The following SULT1B1 variants were observed in gnomAD, a reference collection of about 807,000 sequenced individuals.
SULT1B1 encodes the protein sulfotransferase family 1B member 1, also known as sulfotransferase 1B1.
A neutral mutation model predicts 34.6 loss-of-function variants in SULT1B1; 28 were observed. The ratio of observed to expected loss-of-function variants is 0.81; its 90% CI spans 0.60 to 1.11. The LOEUF (loss-of-function observed/expected upper bound fraction) is 1.11. Among genes scored for constraint, SULT1B1 ranks in the 50% least tolerant of loss-of-function variants. SULT1B1 has a pLI of 0.00. For missense variants in SULT1B1, 374 were observed against 352.2 expected (o/e 1.06, Z -0.50); for synonymous variants, 147 against 110.2 (o/e 1.33, Z -2.09).
At chr4:69,752,677 A>C (rs1719022987) in intron 3 of SULT1B1, among the ~76,000 whole-genome samples, 1 of 152,250 alleles carries the variant, frequency 6.6e-6, no homozygotes, top group Non-Finnish European at 1.5e-5. Flanking sequence ...ATGACATAGA[A>C]GGACTGACAT....
chr4:69,748,751 C>CA (rs1718851913), intron 4 of SULT1B1, among the ~76,000 whole-genome samples: 1 of 152,090 alleles, frequency 6.6e-6, no homozygotes, highest in South Asian at 2.1e-4. Flanking sequence ...TCATACACTT[C>CA]AAAATCTTGC....
intron 4 of SULT1B1, among the ~76,000 whole-genome samples, chr4:69,741,629 TA>T (rs1176295984): frequency 6.6e-6 from 1 of 152,224 alleles, no homozygotes; most frequent in African/African-American, 2.4e-5. Flanking sequence ...CCTAGTATTT[TA>T]TTTTTTTGTG....
At position 69,726,925 on chromosome 4, in the gene SULT1B1, C is replaced by T; in HGVS notation, c.*163G>A. Reference sequence around the variant, plus strand: ...ATTTGGAAACTCAGAATCAAAGGAACAAAACTGGGATCTGATTAATAACAT... The same window carrying T: ...ATTTGGAAACTCAGAATCAAAGGAATAAAACTGGGATCTGATTAATAACAT... On this transcript the variant is annotated 3_prime_UTR_variant, in exon 8 of 8. Coordinates refer to ENST00000310613, the MANE Select transcript of SULT1B1 (RefSeq NM_014465.4). 4.1e-6 allele frequency: 2 copies of T among 489,912 alleles called. No individual in the cohort carries two copies. Among genetic ancestry groups the T allele is most frequent in the East Asian group, 7.1e-5 (2 of 28,194 alleles). 30.3% of individuals were successfully genotyped at this position (489,912 alleles called of 1,614,324 possible). A position where few individuals can be genotyped will look rare whatever the true frequency, so the allele number is the denominator to read the frequency against.
At chr4:69,752,773 G>A (rs1479935866) in intron 3 of SULT1B1, among the ~76,000 whole-genome samples, 1 of 152,184 alleles carries the variant, frequency 6.6e-6, no homozygotes, top group Non-Finnish European at 1.5e-5. Context: ...AGAGGATTTG[G>A]ATATTTCTCT....
chr4:69,721,557 C>A lies in SULT1B1; in HGVS notation c.*5531G>T, dbSNP rs991613324. 3 of 151,948 alleles carry A rather than the reference C, an allele frequency of 2.0e-5. No individual in the cohort carries two copies. The highest frequency in any genetic ancestry group is 7.2e-5 in the African/African-American group (3 of 41,406). 9.4% of individuals were successfully genotyped at this position (151,948 alleles called of 1,614,324 possible). On this transcript the variant is annotated 3_prime_UTR_variant, in exon 8 of 8. Coordinates refer to ENST00000310613, the MANE Select transcript of SULT1B1 (RefSeq NM_014465.4). Reference sequence around the variant, plus strand: ...TGGTGAAATGGGGCATAATACTTAACCTTCAAAAGCCTCCAATGACGCAAT... The same window carrying A: ...TGGTGAAATGGGGCATAATACTTAAACTTCAAAAGCCTCCAATGACGCAAT...
intron 4 of SULT1B1, among the ~76,000 whole-genome samples, chr4:69,741,365 G>A (rs560649160): frequency 6.6e-6 from 1 of 152,062 alleles, no homozygotes; most frequent in Non-Finnish European, 1.5e-5. Flanking sequence ...AGCTATTTGG[G>A]TTCTTTTTTT....
chr4:69,742,307 G>A (rs910552034), intron 4 of SULT1B1, among the ~76,000 whole-genome samples: 2 of 152,156 alleles, frequency 1.3e-5, no homozygotes, highest in Non-Finnish European at 2.9e-5. Context: ...CTATGTCAAT[G>A]AGGAATATTG....
intron 3 of SULT1B1, among the ~76,000 whole-genome samples, chr4:69,754,408 A>G (rs1719107872): frequency 6.6e-6 from 1 of 152,178 alleles, no homozygotes; most frequent in African/African-American, 2.4e-5. Flanking sequence ...CTACCAAATA[A>G]AAGTCTTAAA....
At chr4:69,760,232 C>A (rs1719340681) in intron 1 of SULT1B1, 3 of 984,584 alleles carry the variant, frequency 3.0e-6, no homozygotes. Flanking sequence ...ACCTCCATTC[C>A]TTGCATGCTT....
chr4:69,732,065 G>A (rs767901032), intron 6 of SULT1B1, among the ~76,000 whole-genome samples: 3 of 152,150 alleles, frequency 2.0e-5, no homozygotes, highest in Non-Finnish European at 2.9e-5. Context: ...TCTCTTATGA[G>A]GAATTTATAA....
chr4:69,733,793 C>A lies in SULT1B1; in HGVS notation c.503-286G>T, dbSNP rs116014160. 3.8e-3 allele frequency among the ~76,000 whole-genome samples: 580 copies of A among 152,172 alleles called. 5 individuals are homozygous for A. The highest frequency in any genetic ancestry group is 0.014 in the Middle Eastern group (4 of 290). ...CTATTATCTTACAAAGTACTCATATCAACTATTTACCTAAGTACTATAAAT... is the reference window on the plus strand; with the variant it reads ...CTATTATCTTACAAAGTACTCATATAAACTATTTACCTAAGTACTATAAAT... On this transcript the variant is annotated intron_variant, in intron 5 of 7. Transcript: ENST00000310613.
At chr4:69,749,517 T>C (rs2110028809) in intron 4 of SULT1B1, among the ~76,000 whole-genome samples, 1 of 152,316 alleles carries the variant, frequency 6.6e-6, no homozygotes, top group East Asian at 1.9e-4. Flanking sequence ...ATTCTGTTGC[T>C]GCTCAAGTTT....
At chr4:69,747,362 T>C (rs1316377244) in intron 4 of SULT1B1, among the ~76,000 whole-genome samples, 1 of 152,130 alleles carries the variant, frequency 6.6e-6, no homozygotes, top group East Asian at 1.9e-4. Context: ...AACTGGAAGT[T>C]AGGGGCTGCT....
rs1717805092 is a variant in SULT1B1, at chr4:69,725,673, A to G, written c.*1415T>C. 6.6e-6 allele frequency: 1 copy of G among 152,168 alleles called. No homozygotes were observed. The allele number at this position is 152,168 out of a possible 1,614,324, so 9.4% of individuals were successfully genotyped here. A position where few individuals can be genotyped will look rare whatever the true frequency, so the allele number is the denominator to read the frequency against. On this transcript the variant is annotated 3_prime_UTR_variant, in exon 8 of 8. Coordinates refer to ENST00000310613, the MANE Select transcript of SULT1B1 (RefSeq NM_014465.4). ...TAAGAAAATGTGGCACATATACACC[A>G]TAGAATACTGTGCAGCCATAAAAAA...
At chr4:69,754,470 T>C (rs1401079669) in intron 3 of SULT1B1, among the ~76,000 whole-genome samples, 200 bp downstream of exon 3, 1 of 152,218 alleles carries the variant, frequency 6.6e-6, no homozygotes, top group Non-Finnish European at 1.5e-5. Context: ...ACAGTAAGAC[T>C]CTTTCATCTT....
intron 3 of SULT1B1, among the ~76,000 whole-genome samples, chr4:69,751,513 G>A (rs1021531099): frequency 3.9e-5 from 6 of 152,124 alleles, no homozygotes; most frequent in Middle Eastern, 3.2e-3. Flanking sequence ...GTGCAGTGGC[G>A]CGATCTCAGT....
chr4:69,740,302 G>C lies in SULT1B1; in HGVS notation c.376-6038C>G, dbSNP rs1037688586. ...TTTAGTTGACTCACAGTTTCCTATT[G>C]CTTGCAAGGCCCCAGGAAACTTACA... On this transcript the variant is annotated intron_variant, in intron 4 of 7. Transcript: ENST00000310613. Among the ~76,000 whole-genome samples the C allele has an allele frequency of 3.4e-4, 52 of 152,160 alleles. 1 individual carries two copies. The highest frequency in any genetic ancestry group is 1.2e-3 in the African/African-American group (50 of 41,440).
At chr4:69,752,715 G>A (rs1303613809) in intron 3 of SULT1B1, among the ~76,000 whole-genome samples, 2 of 152,132 alleles carry the variant, frequency 1.3e-5, no homozygotes, top group Admixed American at 1.3e-4. Flanking sequence ...CTCTGCCTAC[G>A]GAAGTAACTA....
intron 1 of SULT1B1, among the ~76,000 whole-genome samples, chr4:69,757,483 G>A (rs927730585): frequency 6.6e-6 from 1 of 152,074 alleles, no homozygotes; most frequent in Non-Finnish European, 1.5e-5. Flanking sequence ...TTTACCTAAT[G>A]TTAATTTGTA....
Sources: gnomAD v4.1 joint callset for allele counts (sites outside exome capture counted in the v4.1 genomes callset) on GRCh38, gnomAD v4.1.1 for gene constraint, MANE v1.5 for transcripts, NCBI Gene and HGNC (gene_info 2026-07-23, HGNC 2026-07-21) for gene names.